The following MACROD2 variants were observed in gnomAD, a reference collection of about 807,000 sequenced individuals.
MACROD2 encodes the protein ADP-ribose glycohydrolase MACROD2.
MACROD2 carries 36 observed loss-of-function variants against 70.4 expected under a neutral mutation model. That is an observed-to-expected ratio of 0.51 (90% CI 0.39 to 0.68). The LOEUF is 0.68. Among genes scored for constraint, MACROD2 ranks in the 30% least tolerant of loss-of-function variants. The pLI is 0.00. For missense variants in MACROD2, 496 were observed against 538.4 expected, an observed-to-expected ratio of 0.92 and a Z score of 0.78; for synonymous variants, 172 against 178.8, an observed-to-expected ratio of 0.96 and a Z score of 0.30.
At chr20:14,383,342 C>T (rs62207626) in intron 3 of MACROD2, among the ~76,000 whole-genome samples, 24,333 of 151,208 alleles carry the variant, frequency 0.16, 2,601 homozygotes, top group Non-Finnish European at 0.23. Context: ...AACTCCGTGA[C>T]GATAGGAATA....
intron 5 of MACROD2, among the ~76,000 whole-genome samples, chr20:14,730,227 G>T (rs2071578953): frequency 6.6e-6 from 1 of 152,078 alleles, no homozygotes; most frequent in Non-Finnish European, 1.5e-5. Context: ...ACAATAAAAT[G>T]GGTAAGAATT....
intron 8 of MACROD2, among the ~76,000 whole-genome samples, chr20:15,852,759 C>T (rs747955927): frequency 8.5e-5 from 13 of 152,138 alleles, no homozygotes; most frequent in Non-Finnish European, 1.3e-4. Flanking sequence ...CTTATATATA[C>T]CATGGCCTAT....
intron 15 of MACROD2, among the ~76,000 whole-genome samples, chr20:16,024,322 G>A (rs2067046515): frequency 6.6e-6 from 1 of 152,168 alleles, no homozygotes; most frequent in South Asian, 2.1e-4. Flanking sequence ...AATAGCAATT[G>A]TAAGGCTATT....
intron 8 of MACROD2, among the ~76,000 whole-genome samples, chr20:15,574,997 T>C (rs1258373207): frequency 6.6e-6 from 1 of 152,194 alleles, no homozygotes; most frequent in Non-Finnish European, 1.5e-5. Flanking sequence ...TATATGTACG[T>C]ACCTATATCA....
rs186696544 is a variant in MACROD2 at position 14,472,360 on chromosome 20, C to T, written c.272-21119C>T. ...TCATTTACTAAGCATTTACAGAATG[C>T]TTACTGTAAAATTGGCATTGTTTTT... On this transcript the variant is annotated intron_variant, in intron 3 of 17. Coordinates refer to ENST00000684519, the MANE Select transcript of MACROD2 (RefSeq NM_001351661.2). 1.9e-3 allele frequency among the ~76,000 whole-genome samples: 285 copies of T among 152,104 alleles called. 2 individuals are homozygous for T. The highest frequency in any genetic ancestry group is 3.2e-3 in the Non-Finnish European group (219 of 67,998).
intron 6 of MACROD2, among the ~76,000 whole-genome samples, chr20:15,358,097 C>T (rs750313819): frequency 3.3e-5 from 5 of 152,140 alleles, no homozygotes; most frequent in Non-Finnish European, 5.9e-5. Flanking sequence ...GGTGAGCCAC[C>T]GCGCCCGGCC....
intron 8 of MACROD2, among the ~76,000 whole-genome samples, chr20:15,555,896 T>C (rs1325003464): frequency 6.7e-6 from 1 of 149,782 alleles, no homozygotes; most frequent in African/African-American, 2.5e-5. Context: ...TTAACTGGGA[T>C]TGAAAGTGTG....
chr20:15,095,629 T>G (rs2075825418), intron 5 of MACROD2, among the ~76,000 whole-genome samples: 1 of 152,072 alleles, frequency 6.6e-6, no homozygotes, highest in Admixed American at 6.5e-5. Context: ...GCCATTCTCC[T>G]GCCTCAGCCT....
chr20:14,008,590 A>G (rs190414247), intron 2 of MACROD2, among the ~76,000 whole-genome samples: 1 of 152,330 alleles, frequency 6.6e-6, no homozygotes, highest in East Asian at 1.9e-4. Flanking sequence ...ACTACTATCA[A>G]CATTCTTCAC....
chr20:15,862,646 G>C, intron 8 of MACROD2, 99 bp from the exon 9 acceptor site: 1 of 901,942 alleles, frequency 1.1e-6, no homozygotes. Flanking sequence ...CCAAAAATCT[G>C]TATGAGGCCT....
At chr20:14,252,882 TTTC>T (rs1050292597) in intron 3 of MACROD2, among the ~76,000 whole-genome samples, 3 of 152,052 alleles carry the variant, frequency 2.0e-5, no homozygotes, top group African/African-American at 7.2e-5. Flanking sequence ...ATGTTTTATT[TTTC>T]TTTTATCATG....
At chr20:15,385,972 T>C (rs1393579083) in intron 6 of MACROD2, among the ~76,000 whole-genome samples, 3 of 152,132 alleles carry the variant, frequency 2.0e-5, no homozygotes, top group Non-Finnish European at 4.4e-5. Flanking sequence ...CTAAAATCTT[T>C]GGTGGTTTTT....
chr20:16,009,337 C>T (rs1263602360), intron 15 of MACROD2, among the ~76,000 whole-genome samples: 1 of 152,130 alleles, frequency 6.6e-6, no homozygotes, highest in East Asian at 1.9e-4. Context: ...AAACAGCTAC[C>T]CCTACCCCTC....
intron 8 of MACROD2, among the ~76,000 whole-genome samples, chr20:15,599,611 A>G (rs924013859): frequency 6.6e-6 from 1 of 152,208 alleles, no homozygotes; most frequent in Non-Finnish European, 1.5e-5. Context: ...CCTAATGAGA[A>G]CCAAATAAGC....
chr20:14,408,923 T>A (rs951692951), intron 3 of MACROD2, among the ~76,000 whole-genome samples: 4 of 152,132 alleles, frequency 2.6e-5, no homozygotes, highest in African/African-American at 9.7e-5. Flanking sequence ...CTTGAGTCAG[T>A]CAAAGTAACC....
Position 14,074,840 on chromosome 20 carries a change from A to G in MACROD2, c.164-10781A>G, listed in dbSNP as rs190841392. On this transcript the variant is annotated intron_variant, in intron 2 of 17. Transcript: ENST00000684519. ...CTGAAAATATTAGGTAGAAAATTCC[A>G]GAAATAAATAATTTGTAAGCTTTAA... 6.5e-3 allele frequency among the ~76,000 whole-genome samples: 995 copies of G among 152,300 alleles called. 10 individuals are homozygous for G. Among genetic ancestry groups the G allele is most frequent in the African/African-American group, 0.022 (934 of 41,536 alleles).
intron 8 of MACROD2, among the ~76,000 whole-genome samples, chr20:15,524,599 G>A (rs1473048805): frequency 1.3e-5 from 2 of 151,996 alleles, no homozygotes; most frequent in Non-Finnish European, 2.9e-5. Context: ...AAAAGGCTTT[G>A]GTTTCTTGAT....
At chr20:14,684,806 TG>T in intron 4 of MACROD2, 36 bp from the exon 5 acceptor site, 1 of 1,528,750 alleles carries the variant, frequency 6.5e-7, no homozygotes, top group Middle Eastern at 1.7e-4. Context: ...TATTTCCAAA[TG>T]CCAAATATAA....
chr20:15,380,254 A>T (rs1022451205), intron 6 of MACROD2, among the ~76,000 whole-genome samples: 2 of 152,174 alleles, frequency 1.3e-5, no homozygotes, highest in Non-Finnish European at 2.9e-5. Flanking sequence ...TTGTAGCAGG[A>T]TGTTAGAATG....
Sources: allele counts gnomAD v4.1 joint callset (sites outside exome capture counted in the v4.1 genomes callset), GRCh38; gene constraint gnomAD v4.1.1; transcripts MANE v1.5; gene names NCBI Gene and HGNC (gene_info 2026-07-23, HGNC 2026-07-21).